The following ABLIM1 variants were observed in gnomAD, a reference collection of about 807,000 sequenced individuals.
The protein encoded by ABLIM1 is actin-binding LIM protein 1.
In ABLIM1, 40 loss-of-function variants were observed where a neutral mutation model predicts 107.0. The observed-to-expected ratio is 0.37, with a 90% confidence interval of 0.29 to 0.49. The LOEUF (loss-of-function observed/expected upper bound fraction) is 0.49, where lower values mean the gene tolerates loss of function less well. Ranked by LOEUF, ABLIM1 falls within the 20% of genes least tolerant of loss-of-function variation. The pLI is 0.97. For synonymous variants in ABLIM1, 357 were observed against 357.3 expected (o/e 1.00, Z 0.01); for missense variants, 857 against 1,008.5 (o/e 0.85, Z 2.04).
At chr10:114,482,387 T>C (rs961695916) in intron 8 of ABLIM1, among the ~76,000 whole-genome samples, 1 of 152,230 alleles carries the variant, frequency 6.6e-6, no homozygotes, top group Non-Finnish European at 1.5e-5. Flanking sequence ...CCAGGATTTA[T>C]TTCTGCAGCA....
At chr10:114,613,150 A>G (rs1329668144) in intron 1 of ABLIM1, among the ~76,000 whole-genome samples, 1 of 152,242 alleles carries the variant, frequency 6.6e-6, no homozygotes, top group Non-Finnish European at 1.5e-5. Context: ...AAGCTAATAC[A>G]TGTGTGGCAC....
At chr10:114,774,961 A>C in the ABLIM1 span, among the ~76,000 whole-genome samples, 1 of 152,162 alleles carries the variant, frequency 6.6e-6, no homozygotes, top group Non-Finnish European at 1.5e-5. Context: ...CCGTTCTCAC[A>C]CTGCTATAAC....
At chr10:114,454,605 T>G (rs1379409776) in intron 12 of ABLIM1, among the ~76,000 whole-genome samples, 1 of 152,134 alleles carries the variant, frequency 6.6e-6, no homozygotes, top group Non-Finnish European at 1.5e-5. Context: ...CTGCAAAAGC[T>G]TTAAGTGCCA....
intron 6 of ABLIM1, among the ~76,000 whole-genome samples, chr10:114,512,174 A>G (rs2061971082): frequency 6.6e-6 from 1 of 152,256 alleles, no homozygotes; most frequent in African/African-American, 2.4e-5. Context: ...TATTAAAGAC[A>G]GGAGCCCAAA....
chr10:114,561,450 T>C (rs2069683378), intron 4 of ABLIM1, among the ~76,000 whole-genome samples: 1 of 152,232 alleles, frequency 6.6e-6, no homozygotes, highest in Non-Finnish European at 1.5e-5. Flanking sequence ...TTAATACAGT[T>C]TGCTTTTAAA....
chr10:114,470,048 C>A (rs2066149753), intron 10 of ABLIM1, among the ~76,000 whole-genome samples: 1 of 152,164 alleles, frequency 6.6e-6, no homozygotes, highest in African/African-American at 2.4e-5. Context: ...CCCAGGTCTG[C>A]ACCTGCACTG....
intron 1 of ABLIM1, among the ~76,000 whole-genome samples, chr10:114,614,570 C>T (rs917911970): frequency 2.6e-5 from 4 of 152,124 alleles, no homozygotes; most frequent in East Asian, 3.9e-4. Flanking sequence ...AAAATCTGAA[C>T]GAGATGCCAT....
intron 13 of ABLIM1, among the ~76,000 whole-genome samples, chr10:114,452,994 G>A (rs1447388595): frequency 1.3e-5 from 2 of 152,188 alleles, no homozygotes; most frequent in Admixed American, 6.5e-5. Context: ...GTGATACTGT[G>A]GTTCAGTCTT....
intron 17 of ABLIM1, 91 bp from the exon 18 acceptor site, chr10:114,441,877 T>C (rs1589692324): frequency 2.6e-6 from 3 of 1,146,700 alleles, no homozygotes; most frequent in East Asian, 2.4e-5. Flanking sequence ...CCTCACAGGA[T>C]AGAAATACCA....
rs576494624 is a variant in ABLIM1, at chr10:114,629,196, C to T, written c.245-27235G>A. ...CTTTCTCTCCTGCCCATGTCAGCCC[C>T]GAACCAGGTATTTTATCCTAGAGAG... On this transcript the variant is annotated intron_variant, in intron 1 of 22. Transcript: ENST00000533213. This position sits in a 1 kb window ranked among gnomAD's most constrained non-coding sequence, Gnocchi z 4.0. Among the ~76,000 whole-genome samples the T allele has an allele frequency of 6.6e-6, 1 of 152,250 alleles. No homozygotes were observed. The highest frequency in any genetic ancestry group is 6.5e-5 in the Admixed American group (1 of 15,288).
intron 1 of ABLIM1, among the ~76,000 whole-genome samples, chr10:114,617,677 C>T (rs1051163880): frequency 6.6e-6 from 1 of 152,212 alleles, no homozygotes; most frequent in African/African-American, 2.4e-5. Flanking sequence ...CACAGACCAA[C>T]TGACTTTCAT....
chr10:114,656,192 C>T (rs2079506427), intron 1 of ABLIM1, among the ~76,000 whole-genome samples: 1 of 145,322 alleles, frequency 6.9e-6, no homozygotes, highest in African/African-American at 2.6e-5. Flanking sequence ...ATCATTTGAA[C>T]TCAGGAGGCA....
At chr10:114,509,925 G>A (rs1489883379) in intron 6 of ABLIM1, among the ~76,000 whole-genome samples, 1 of 152,206 alleles carries the variant, frequency 6.6e-6, no homozygotes, top group Non-Finnish European at 1.5e-5. Context: ...AAAGAGCAAA[G>A]GGACGTCTTA....
At position 114,547,778 on chromosome 10, in the gene ABLIM1, T is replaced by G. The variant is rs757190519; in HGVS notation, c.674-2A>C. The G allele has an allele frequency of 6.2e-7, 1 of 1,607,466 alleles. No homozygotes were observed. The highest frequency in any genetic ancestry group is 1.7e-5 in the Admixed American group (1 of 59,922). On this transcript the variant is annotated splice_acceptor_variant, in intron 4 of 22. Transcript: ENST00000533213. LOFTEE classifies it high-confidence loss of function. ...TATCTCTTCCGCAGCCGGCACAATC[T>G]GAAAAAGAGCAGCCGCCAGTGGTTA... is the stretch of plus-strand genomic sequence containing the variant.
intron 16 of ABLIM1, among the ~76,000 whole-genome samples, chr10:114,444,658 A>G (rs2060753314): frequency 6.6e-6 from 1 of 152,186 alleles, no homozygotes; most frequent in African/African-American, 2.4e-5. Context: ...ACACATATAA[A>G]ACTGAGATCA....
intron 6 of ABLIM1, among the ~76,000 whole-genome samples, chr10:114,511,259 G>A (rs1052984558): frequency 3.3e-5 from 5 of 151,960 alleles, no homozygotes; most frequent in African/African-American, 9.7e-5. Context: ...ACAGAACAAT[G>A]GCAGAACAAA....
chr10:114,511,264 A>G (rs2061826108), intron 6 of ABLIM1, among the ~76,000 whole-genome samples: 1 of 152,088 alleles, frequency 6.6e-6, no homozygotes, highest in South Asian at 2.1e-4. Flanking sequence ...ACAATGGCAG[A>G]ACAAATATTT....
rs184862102 is a variant in ABLIM1, at chr10:114,606,164, C to T, written c.245-4203G>A. Among the ~76,000 whole-genome samples, 10 of 152,226 alleles carry T rather than the reference C, an allele frequency of 6.6e-5. No homozygotes were observed. The East Asian group carries it at 9.6e-4, about 15-fold the overall frequency. On this transcript the variant is annotated intron_variant, in intron 1 of 22. Transcript: ENST00000533213. Reference sequence around the variant, plus strand: ...GCCAGAAACAGAACATCTGGGAAAGCGTATTTGAAATAAAAATCTCCTTAG... The same window carrying T: ...GCCAGAAACAGAACATCTGGGAAAGTGTATTTGAAATAAAAATCTCCTTAG...
intron 12 of ABLIM1, among the ~76,000 whole-genome samples, chr10:114,455,673 T>C (rs2062678365): frequency 6.6e-6 from 1 of 152,182 alleles, no homozygotes; most frequent in South Asian, 2.1e-4. Context: ...GGCCAATTAA[T>C]TACCTCCACA....
Sources: allele counts gnomAD v4.1 joint callset (sites outside exome capture counted in the v4.1 genomes callset), GRCh38; gene constraint gnomAD v4.1.1; non-coding constraint Gnocchi (gnomAD v3.1); transcripts MANE v1.5; gene names NCBI Gene and HGNC (gene_info 2026-07-23, HGNC 2026-07-21).